BASP1: variants seen among roughly 807,000 people sequenced by gnomAD.
BASP1 encodes the protein brain acid soluble protein 1.
BASP1 carries 1 observed loss-of-function variant against 2.2 expected under a neutral mutation model. That is an observed-to-expected ratio of 0.46 (90% CI 0.16 to 2.17). The LOEUF is 2.17. Among genes scored for constraint, BASP1 ranks in the 30% most tolerant of loss-of-function variants. The pLI is 0.27. For missense variants in BASP1, 352 were observed against 327.2 expected (o/e 1.08, Z -0.58); for synonymous variants, 187 against 154.2 (o/e 1.21, Z -1.58).
At chr5:17,243,092 T>C (rs1739900640) in intron 1 of BASP1, among the ~76,000 whole-genome samples, 1 of 151,786 alleles carries the variant, frequency 6.6e-6, no homozygotes, top group Admixed American at 6.6e-5. Flanking sequence ...CAAGTTGACA[T>C]GCTAACATGC....
chr5:17,234,381 T>TA (rs113548632), intron 1 of BASP1, among the ~76,000 whole-genome samples: 26 of 148,576 alleles, frequency 1.7e-4, no homozygotes, highest in Middle Eastern at 3.5e-3. Context: ...AAGCCGTAAG[T>TA]AAAAAAAAAA....
rs976210209 is a variant in BASP1 at position 17,236,545 on chromosome 5, G to A, written c.-10+18735G>A. On this transcript the variant is annotated intron_variant, in intron 1 of 1. Transcript: ENST00000322611. This position sits in a 1 kb window ranked among gnomAD's most constrained non-coding sequence, Gnocchi z 4.0. Reference sequence around the variant, plus strand: ...CTCCCAAAGTGCTGGGATTACAGGCGTGAGCCACCGCGCTCGGCCGAGAGC... The same window carrying A: ...CTCCCAAAGTGCTGGGATTACAGGCATGAGCCACCGCGCTCGGCCGAGAGC... Among the ~76,000 whole-genome samples, 3 of 152,176 alleles carry A rather than the reference G, an allele frequency of 2.0e-5. No homozygotes were observed. Among genetic ancestry groups the A allele is most frequent in the Non-Finnish European group, 4.4e-5 (3 of 68,042 alleles).
intron 1 of BASP1, among the ~76,000 whole-genome samples, chr5:17,264,289 T>C (rs1740374065): frequency 1.3e-5 from 2 of 152,244 alleles, no homozygotes; most frequent in African/African-American, 4.8e-5. Context: ...TAAAAAAGAA[T>C]TTTTTCCCTC....
chr5:17,246,734 T>G (rs1739998984), intron 1 of BASP1, among the ~76,000 whole-genome samples: 1 of 152,260 alleles, frequency 6.6e-6, no homozygotes, highest in African/African-American at 2.4e-5. Flanking sequence ...GACCTCATTC[T>G]CTAATTGCCC....
chr5:17,231,183 T>G (rs576561942), intron 1 of BASP1, among the ~76,000 whole-genome samples: 2 of 152,208 alleles, frequency 1.3e-5, no homozygotes, highest in Non-Finnish European at 2.9e-5. Context: ...ATTTATGCAG[T>G]GTCTATTTTC....
chr5:17,217,055 A>AGAGAGAGAGAGTGT (rs1739253261), upstream of BASP1: 2 of 90,896 alleles, frequency 2.2e-5, no homozygotes, highest in African/African-American at 7.8e-5. Flanking sequence ...AATGAGGGGG[A>AGAGAGAGAGAGTGT]GAGAGAGAGA....
At chr5:17,223,932 C>A (rs1739438912) in intron 1 of BASP1, among the ~76,000 whole-genome samples, 1 of 152,226 alleles carries the variant, frequency 6.6e-6, no homozygotes, top group African/African-American at 2.4e-5. Context: ...CAGATGCCCA[C>A]CGCCTCCATA....
chr5:17,224,304 G>A (rs1688753760), intron 1 of BASP1, among the ~76,000 whole-genome samples: 1 of 152,126 alleles, frequency 6.6e-6, no homozygotes, highest in African/African-American at 2.4e-5. Flanking sequence ...TACTCTATCT[G>A]TCAGGTGTTC....
intron 1 of BASP1, among the ~76,000 whole-genome samples, chr5:17,266,101 G>A (rs930861420): frequency 1.3e-5 from 2 of 152,194 alleles, no homozygotes; most frequent in African/African-American, 2.4e-5. Context: ...TGGGCTTCCC[G>A]ATTCATTGCT....
At chr5:17,238,141 A>C (rs1337080230) in intron 1 of BASP1, among the ~76,000 whole-genome samples, 2 of 151,432 alleles carry the variant, frequency 1.3e-5, no homozygotes, top group Admixed American at 1.3e-4. Context: ...TTCTATTAAT[A>C]TATTTTTTCT....
At position 17,275,766 on chromosome 5, in the gene BASP1, A is replaced by C. The variant is rs1157515560; in HGVS notation, c.550A>C (p.Lys184Gln). 1 of 1,612,686 alleles carries C rather than the reference A, an allele frequency of 6.2e-7. No individual in the cohort carries two copies. Among genetic ancestry groups the C allele is most frequent in the African/African-American group, 1.3e-5 (1 of 74,956 alleles). ...PGSSEAAPSS[K>Q]ETPAATEAPS... Reference sequence around the variant, plus strand: ...CAGCTCGGAGGCTGCCCCCTCTTCCAAGGAGACCCCCGCAGCCACGGAAGC... The same window carrying C: ...CAGCTCGGAGGCTGCCCCCTCTTCCCAGGAGACCCCCGCAGCCACGGAAGC... The change falls in exon 2 of 2, where the codon AAG (lysine) becomes CAG (glutamine). Residue 184 changes from lysine to glutamine, a missense_variant. By Grantham distance (53) the Lys-to-Gln change is moderately conservative (BLOSUM62 1). Transcript: ENST00000322611. This position sits in a 1 kb window ranked among gnomAD's most constrained non-coding sequence, Gnocchi z 5.3.
chr5:17,248,296 C>T (rs537169252), intron 1 of BASP1, among the ~76,000 whole-genome samples: 30 of 152,306 alleles, frequency 2.0e-4, no homozygotes, highest in African/African-American at 7.0e-4. Context: ...CTGTCGGTAG[C>T]TGGATGCCTT....
chr5:17,219,627 G>A (rs1188649176), intron 1 of BASP1, among the ~76,000 whole-genome samples: 1 of 152,136 alleles, frequency 6.6e-6, no homozygotes, highest in Non-Finnish European at 1.5e-5. Context: ...ATTAAGGGAA[G>A]GTGGCCTCAA....
chr5:17,275,965 CT>C lies in BASP1; in HGVS notation c.*66del, dbSNP rs1740650082. 1.6e-6 allele frequency: 2 copies of C among 1,236,388 alleles called. No homozygotes were observed. The highest frequency in any genetic ancestry group is 1.7e-5 in the African/African-American group (1 of 60,038). The allele number at this position is 1,236,388 out of a possible 1,614,324, so 76.6% of individuals were successfully genotyped here. A position where few individuals can be genotyped will look rare whatever the true frequency, so the allele number is the denominator to read the frequency against. ...ATCTCCTCTCTCTCTCTCTCTCTCT[CT>C]CTCTATCTCTCTCTCTATCTCCTCT... On this transcript the variant is annotated 3_prime_UTR_variant, in exon 2 of 2. Coordinates refer to ENST00000322611, the MANE Select transcript of BASP1 (RefSeq NM_006317.5). This position sits in a 1 kb window ranked among gnomAD's most constrained non-coding sequence, Gnocchi z 5.3.
At chr5:17,274,918 G>C (rs1235082089) in intron 1 of BASP1, among the ~76,000 whole-genome samples, 8 of 152,158 alleles carry the variant, frequency 5.3e-5, no homozygotes. Flanking sequence ...GGGCCCAGCT[G>C]TGTGGGAGGC....
At chr5:17,241,109 T>C (rs1739854016) in intron 1 of BASP1, among the ~76,000 whole-genome samples, 1 of 151,832 alleles carries the variant, frequency 6.6e-6, no homozygotes, top group Admixed American at 6.6e-5. Context: ...TTTTTTTTTT[T>C]TTTTTCTTGA....
intron 1 of BASP1, among the ~76,000 whole-genome samples, chr5:17,225,529 T>A (rs1194645566): frequency 6.6e-6 from 1 of 152,260 alleles, no homozygotes; most frequent in Non-Finnish European, 1.5e-5. Context: ...CTTTAGTTTT[T>A]CTAAAATTTA....
intron 1 of BASP1, among the ~76,000 whole-genome samples, chr5:17,249,589 AC>A (rs1261386364): frequency 6.6e-6 from 1 of 152,136 alleles, no homozygotes; most frequent in Non-Finnish European, 1.5e-5. Flanking sequence ...AAGGGTTTTA[AC>A]CCTTTGAGTT....
At chr5:17,240,023 A>G (rs1739830418) in intron 1 of BASP1, among the ~76,000 whole-genome samples, 1 of 151,628 alleles carries the variant, frequency 6.6e-6, no homozygotes, top group South Asian at 2.1e-4. Flanking sequence ...GTGTGATGGT[A>G]TTAAGTAAGA....
Sources: gnomAD v4.1 joint callset for allele counts (sites outside exome capture counted in the v4.1 genomes callset) on GRCh38, gnomAD v4.1.1 for gene constraint, Gnocchi (gnomAD v3.1) non-coding constraint, MANE v1.5 for transcripts, NCBI Gene and HGNC (gene_info 2026-07-23, HGNC 2026-07-21) for gene names.